The following PIBF1 variants were observed in gnomAD, a reference collection of about 807,000 sequenced individuals.
The protein encoded by PIBF1 is progesterone immunomodulatory binding factor 1, also known as progesterone-induced-blocking factor 1.
In PIBF1, 90 loss-of-function variants were observed where a neutral mutation model predicts 112.5. That is an observed-to-expected ratio of 0.80 (90% CI 0.67 to 0.95). The LOEUF (loss-of-function observed/expected upper bound fraction) is 0.95, where lower values mean the gene tolerates loss of function less well. Among genes scored for constraint, PIBF1 ranks in the 40% least tolerant of loss-of-function variants. PIBF1 has a pLI of 0.00. For missense variants in PIBF1, 915 were observed against 852.3 expected (o/e 1.07, Z -0.92); for synonymous variants, 301 against 288.6 (o/e 1.04, Z -0.44).
intron 17 of PIBF1, among the ~76,000 whole-genome samples, chr13:73,000,490 G>A (rs2043824062): frequency 6.6e-6 from 1 of 152,168 alleles, no homozygotes; most frequent in African/African-American, 2.4e-5. Context: ...AGCTGCCGAG[G>A]ACTGTTTATT....
chr13:72,914,090 T>A (rs979759112), intron 12 of PIBF1, among the ~76,000 whole-genome samples: 2 of 152,182 alleles, frequency 1.3e-5, no homozygotes, highest in African/African-American at 2.4e-5. Flanking sequence ...TGCCATTTAA[T>A]TCAGGTAATT....
intron 16 of PIBF1, among the ~76,000 whole-genome samples, chr13:72,993,026 A>G (rs1430146060): frequency 2.0e-5 from 3 of 152,210 alleles, no homozygotes; most frequent in Non-Finnish European, 2.9e-5. Context: ...TGGAAAAGTA[A>G]TATTTCCCTA....
In PIBF1 at chr13:72,827,056, C is replaced by T. The variant is rs767891506; in HGVS notation, c.853C>T (p.His285Tyr). The T allele has an allele frequency of 1.9e-6, 3 of 1,604,970 alleles. No individual in the cohort carries two copies. Among genetic ancestry groups the T allele is most frequent in the Admixed American group, 1.7e-5 (1 of 58,312 alleles). Residue 285 changes from histidine (H) to tyrosine (Y), a missense_variant, in exon 7 of 18, where the codon CAT becomes TAT. By Grantham distance (83) the His-to-Tyr change is moderately conservative. Coordinates refer to ENST00000326291, the MANE Select transcript of PIBF1 (RefSeq NM_006346.4). ...GGAAGTAATTGAGCTTAGGAGAAAA[C>T]ATGAAATACTTGAAGCCTCTCACAT... ...EQEVIELRRK[H>Y]EILEASHMIQ...
intron 5 of PIBF1, among the ~76,000 whole-genome samples, chr13:72,812,155 T>C (rs2165389): frequency 0.74 from 113,034 of 151,992 alleles, 42,411 homozygotes; most frequent in African/African-American, 0.82. Context: ...TACCAAATAC[T>C]TTGGTTTAAA....
Position 72,893,799 on chromosome 13 carries a change from A to G in PIBF1, c.1338A>G (p.Gln446=), listed in dbSNP as rs1321346993. Reference sequence around the variant, plus strand: ...CTTCTTTCAGGTACAGAGAACTACAACTTAGTACAGAAAGCAAAGTAACAG... The same window carrying G: ...CTTCTTTCAGGTACAGAGAACTACAGCTTAGTACAGAAAGCAAAGTAACAG... ...DQLLDRYREL[Q]LSTESKVTEF... is the part of the protein sequence containing the mutation. Residue 446 remains glutamine (Q), a synonymous_variant, in exon 11 of 18, where the codon CAA becomes CAG. Transcript: ENST00000326291. 2 of 1,597,150 alleles carry G rather than the reference A, an allele frequency of 1.3e-6. No individual in the cohort carries two copies. The highest frequency in any genetic ancestry group is 1.7e-6 in the Non-Finnish European group (2 of 1,171,486).
At chr13:72,816,488 C>T (rs1441852408) in intron 5 of PIBF1, among the ~76,000 whole-genome samples, 1 of 151,876 alleles carries the variant, frequency 6.6e-6, no homozygotes. Context: ...CATGGCAAAA[C>T]CCTTTCTCTA....
intron 9 of PIBF1, among the ~76,000 whole-genome samples, chr13:72,851,771 C>T (rs1295884658): frequency 1.3e-5 from 2 of 152,206 alleles, no homozygotes; most frequent in Non-Finnish European, 2.9e-5. Flanking sequence ...CATATACTTC[C>T]TCCCCACTGA....
intron 8 of PIBF1, among the ~76,000 whole-genome samples, chr13:72,832,072 C>CTTTTTTTTTT (rs754794968): frequency 7.0e-5 from 3 of 42,900 alleles, no homozygotes; most frequent in African/African-American, 2.8e-4. Context: ...CAATTCCGGC[C>CTTTTTTTTTT]TTTTTTTTTT....
chr13:72,871,989 C>T (rs938255659), intron 10 of PIBF1, among the ~76,000 whole-genome samples: 1 of 152,078 alleles, frequency 6.6e-6, no homozygotes, highest in Non-Finnish European at 1.5e-5. Context: ...ACAATAGAGG[C>T]AATATAAGTT....
intron 2 of PIBF1, among the ~76,000 whole-genome samples, chr13:72,790,548 T>C (rs1419699651): frequency 1.3e-5 from 2 of 149,678 alleles, no homozygotes; most frequent in Non-Finnish European, 3.0e-5. Context: ...GATAGATAGA[T>C]AGATAGATAG....
Position 72,882,661 on chromosome 13 carries a change from C to T in PIBF1, c.1323-11123C>T, listed in dbSNP as rs574440481. ...TAGACATTTCTCAGAAGAAGGCATA[C>T]GTATGGTAAACAGGGTTATGAAAAG... On this transcript the variant is annotated intron_variant, in intron 10 of 17. Transcript: ENST00000326291. Among the ~76,000 whole-genome samples the T allele has an allele frequency of 2.6e-5, 4 of 152,200 alleles. No individual in the cohort carries two copies. In the East Asian group the frequency reaches 5.8e-4, roughly 22 times the overall value.
At chr13:72,939,089 C>T (rs970388938) in intron 14 of PIBF1, among the ~76,000 whole-genome samples, 14 of 152,090 alleles carry the variant, frequency 9.2e-5, no homozygotes, top group East Asian at 1.9e-4. Flanking sequence ...ACATGATTTG[C>T]GAATATTTTC....
intron 9 of PIBF1, chr13:72,836,108 AAAG>A: frequency 2.2e-6 from 1 of 454,634 alleles, no homozygotes; most frequent in Non-Finnish European, 4.4e-6. Flanking sequence ...CAAAAAAAAA[AAAG>A]AAAAAAGAAA....
At chr13:72,792,299 C>T in intron 2 of PIBF1, 148 bp from the exon 3 acceptor site, 1 of 565,230 alleles carries the variant, frequency 1.8e-6, no homozygotes, top group Admixed American at 3.9e-5. Context: ...TTCCAAAGTG[C>T]TGGAATTATA....
intron 15 of PIBF1, among the ~76,000 whole-genome samples, chr13:72,966,992 A>G (rs2042758272): frequency 1.3e-5 from 2 of 151,726 alleles, no homozygotes; most frequent in South Asian, 2.1e-4. Flanking sequence ...CTGGAGTGCA[A>G]TGATGTGATC....
At chr13:72,990,320 G>A (rs373164143) in intron 16 of PIBF1, among the ~76,000 whole-genome samples, 46 of 151,118 alleles carry the variant, frequency 3.0e-4, no homozygotes, top group African/African-American at 1.0e-3. Context: ...AGGAGTTCGA[G>A]ACCAGCCTGG....
chr13:72,924,890 T>C (rs143814404), intron 13 of PIBF1, among the ~76,000 whole-genome samples: 1 of 152,282 alleles, frequency 6.6e-6, no homozygotes, highest in East Asian at 1.9e-4. Context: ...GGTTAGGCTA[T>C]GTCAGTCAGA....
At chr13:72,982,366 G>A (rs1295215653) in intron 16 of PIBF1, among the ~76,000 whole-genome samples, 2 of 152,062 alleles carry the variant, frequency 1.3e-5, no homozygotes, top group Admixed American at 6.6e-5. Flanking sequence ...GGCCTGAGAG[G>A]TTGAGGCTGC....
At chr13:72,822,948 T>C (rs1017189363) in intron 6 of PIBF1, among the ~76,000 whole-genome samples, 2 of 152,060 alleles carry the variant, frequency 1.3e-5, no homozygotes, top group African/African-American at 2.4e-5. Flanking sequence ...AAAAATGAAG[T>C]AGAGGGCATA....
Sources: allele counts gnomAD v4.1 joint callset (sites outside exome capture counted in the v4.1 genomes callset), GRCh38; gene constraint gnomAD v4.1.1; transcripts MANE v1.5; gene names NCBI Gene and HGNC (gene_info 2026-07-23, HGNC 2026-07-21).